LARP1: variants seen among roughly 807,000 people sequenced by gnomAD.
LARP1 encodes the protein la-related protein 1.
Under a neutral mutation model 122.7 loss-of-function variants are expected in LARP1, and 36 were observed. That is an observed-to-expected ratio of 0.29 (90% CI 0.22 to 0.39). LARP1 has a LOEUF of 0.39. Among genes scored for constraint, LARP1 ranks in the 10% least tolerant of loss-of-function variants. The pLI, the probability that LARP1 is intolerant of heterozygous loss-of-function variation, is 1.00. For synonymous variants in LARP1, 539 were observed against 528.7 expected (o/e 1.02, Z -0.27); for missense variants, 1,040 against 1,403.6 (o/e 0.74, Z 4.14).
chr5:154,793,941 T>C lies in LARP1; in HGVS notation c.1010T>C (p.Phe337Ser), dbSNP rs776372021. Residue 337 changes from phenylalanine to serine, a missense_variant, in exon 6 of 19, where the codon TTC becomes TCC. Phe to Ser is a radical substitution (Grantham distance 155). This residue lies in a region of LARP1 where 178 missense variants were observed against 178.3 expected (regional missense o/e 1.00). Transcript: ENST00000518297. ...GGGGCTGGTGGGGCGCGGGCTTCCT[T>C]CCGTGGCCGTGGACGGGGGCGTGGT... is the stretch of plus-strand genomic sequence containing the variant. Reference protein sequence around the residue: ...SDGAGGARASFRGRGRGRGRG... With the variant: ...SDGAGGARASSRGRGRGRGRG... The C allele has an allele frequency of 3.5e-5, 57 of 1,613,604 alleles. No individual in the cohort carries two copies. The highest frequency in any genetic ancestry group is 4.6e-5 in the Non-Finnish European group (54 of 1,179,748).
chr5:154,767,554 G>C (rs1268942778), intron 1 of LARP1, among the ~76,000 whole-genome samples: 1 of 152,158 alleles, frequency 6.6e-6, no homozygotes, highest in Non-Finnish European at 1.5e-5. Context: ...GACTCACTGG[G>C]GACCATAATC....
At chr5:154,711,722 T>C (rs1755233737), upstream of LARP1, among the ~76,000 whole-genome samples, 1 of 152,188 alleles carries the variant, frequency 6.6e-6, no homozygotes, top group Admixed American at 6.5e-5. Flanking sequence ...TAAAATTCCT[T>C]ATCTATTAAG....
chr5:154,696,275 T>G (rs546847704), intron 1 of LARP1, among the ~76,000 whole-genome samples: 6 of 152,262 alleles, frequency 3.9e-5, no homozygotes, highest in Middle Eastern at 3.4e-3. Flanking sequence ...GAGAATTGCT[T>G]GAGCCTGGGA....
At chr5:154,783,024 C>T (rs1209909220) in intron 1 of LARP1, among the ~76,000 whole-genome samples, 2 of 152,148 alleles carry the variant, frequency 1.3e-5, no homozygotes, top group Non-Finnish European at 2.9e-5. Context: ...CCAGGCTGGC[C>T]TGGGAGGGAC....
intron 18 of LARP1, among the ~76,000 whole-genome samples, chr5:154,812,278 T>C (rs1759336195): frequency 6.6e-6 from 1 of 152,164 alleles, no homozygotes. Context: ...TGCAAGTAAA[T>C]GACAATTAGA....
Position 154,797,509 on chromosome 5 carries a change from A to G in LARP1, c.1378-2082A>G, listed in dbSNP as rs551361104. ...CGGCCTCCCAAAGTGGTGGGATTAC[A>G]GGCATGAGCTACCGCGCCCGGCCTG... On this transcript the variant is annotated intron_variant, in intron 8 of 18. Coordinates refer to ENST00000518297, the MANE Select transcript of LARP1 (RefSeq NM_033551.3). Among the ~76,000 whole-genome samples, 37 of 152,056 alleles carry G rather than the reference A, an allele frequency of 2.4e-4. No homozygotes were observed. The South Asian group carries it at 7.5e-3, about 31-fold the overall frequency.
chr5:154,801,834 C>T (rs1178456893), intron 10 of LARP1, among the ~76,000 whole-genome samples, 173 bp from the exon 11 acceptor site: 1 of 152,210 alleles, frequency 6.6e-6, no homozygotes, highest in East Asian at 1.9e-4. Flanking sequence ...CATCCTTTCT[C>T]ATAGTCATAA....
chr5:154,722,198 C>T lies in LARP1; in HGVS notation c.205+9068C>T, dbSNP rs191748991. On this transcript the variant is annotated intron_variant, in intron 1 of 18. Transcript: ENST00000336314. Reference sequence around the variant, plus strand: ...CTGCAGAATATGGCAACCTAGACTCCGCATGATCTGCCTTCAGCTTCCCCG... The same window carrying T: ...CTGCAGAATATGGCAACCTAGACTCTGCATGATCTGCCTTCAGCTTCCCCG... Among the ~76,000 whole-genome samples the T allele has an allele frequency of 1.6e-4, 24 of 152,256 alleles. No homozygotes were observed. The East Asian group carries it at 3.5e-3, about 22-fold the overall frequency.
At chr5:154,729,651 G>A in intron 1 of LARP1, 1 of 391,338 alleles carries the variant, frequency 2.6e-6, no homozygotes, top group Non-Finnish European at 4.9e-6. Flanking sequence ...CAATGAATAG[G>A]AGCCTGAGCT....
chr5:154,709,600 T>C (rs1755117086), upstream of LARP1, among the ~76,000 whole-genome samples: 1 of 20,720 alleles, frequency 4.8e-5, no homozygotes, highest in Admixed American at 3.7e-4. Flanking sequence ...CCAGTGAGAT[T>C]TTTTTTTTTT....
chr5:154,706,432 A>T (rs944714683), intron 1 of LARP1, among the ~76,000 whole-genome samples: 1 of 152,090 alleles, frequency 6.6e-6, no homozygotes, highest in Non-Finnish European at 1.5e-5. Context: ...GGAGGTCATT[A>T]TCCTAAGCAA....
At chr5:154,686,822 C>T (rs1221437206) in intron 1 of LARP1, among the ~76,000 whole-genome samples, 1 of 152,178 alleles carries the variant, frequency 6.6e-6, no homozygotes, top group Non-Finnish European at 1.5e-5. Flanking sequence ...CTGGTAACTG[C>T]AGGGATTGCA....
intron 1 of LARP1, among the ~76,000 whole-genome samples, chr5:154,722,484 A>G (rs1020825547): frequency 6.6e-6 from 1 of 152,120 alleles, no homozygotes; most frequent in African/African-American, 2.4e-5. Context: ...ATTCTGGGCC[A>G]GACAGGGGTT....
intron 3 of LARP1, 117 bp downstream of exon 3, chr5:154,790,827 T>G (rs1436795670): frequency 3.1e-6 from 3 of 960,842 alleles, no homozygotes; most frequent in Non-Finnish European, 4.8e-6. Flanking sequence ...TCTTTCTTTT[T>G]TTTCCCCCCA....
At chr5:154,713,190 C>A in intron 1 of LARP1, 1 of 1,450,092 alleles carries the variant, frequency 6.9e-7, no homozygotes, top group Non-Finnish European at 9.5e-7. Flanking sequence ...GTAGGAAGAT[C>A]CTTCTCCCTA....
intron 4 of LARP1, 127 bp from the exon 5 acceptor site, chr5:154,793,468 G>C: frequency 8.6e-7 from 1 of 1,167,886 alleles, no homozygotes; most frequent in South Asian, 1.4e-5. Context: ...GTGGGAAAGG[G>C]ATCTGCCCAA....
At position 154,795,203 on chromosome 5, in the gene LARP1, G is replaced by C; in HGVS notation, c.1261G>C (p.Glu421Gln). 1 of 1,614,020 alleles carries C rather than the reference G, an allele frequency of 6.2e-7. No homozygotes were observed. Among genetic ancestry groups the C allele is most frequent in the Non-Finnish European group, 8.5e-7 (1 of 1,179,894 alleles). The change falls in exon 8 of 19, where the codon GAG becomes CAG. Residue 421 changes from glutamate to glutamine, a missense_variant. By Grantham distance (29) the Glu-to-Gln change is conservative. Around this residue, in one of 8 missense-constraint regions of LARP1, gnomAD observed 362 missense variants for 533.1 expected, o/e 0.68. Transcript: ENST00000518297. Reference protein sequence around the residue: ...IEYYFSVDNLERDFFLRRKMD... With the variant: ...IEYYFSVDNLQRDFFLRRKMD... ...ATACTACTTCAGCGTGGACAATTTA[G>C]AGCGAGACTTCTTCCTGCGAAGGAA...
chr5:154,710,742 C>CAA (rs35253134), upstream of LARP1, among the ~76,000 whole-genome samples: 964 of 92,318 alleles, frequency 0.01, 12 homozygotes, highest in African/African-American at 0.036. Flanking sequence ...GACTCCATCT[C>CAA]AAAAAAAAAA....
chr5:154,739,999 G>C (rs1033682616), intron 1 of LARP1, among the ~76,000 whole-genome samples: 1 of 150,826 alleles, frequency 6.6e-6, no homozygotes, highest in Non-Finnish European at 1.5e-5. Context: ...AGGAGTTGGA[G>C]ACCAGACCAG....
Sources: gnomAD v4.1 joint callset for allele counts (sites outside exome capture counted in the v4.1 genomes callset) on GRCh38, gnomAD v4.1.1 for gene constraint, gnomAD v4.1.1 regional missense constraint, MANE v1.5 for transcripts, NCBI Gene and HGNC (gene_info 2026-07-23, HGNC 2026-07-21) for gene names.